The following ADRA1B variants were observed in gnomAD, a reference collection of about 807,000 sequenced individuals.
The protein encoded by ADRA1B is alpha-1B adrenergic receptor.
Under a neutral mutation model 17.9 loss-of-function variants are expected in ADRA1B, and 17 were observed. The observed-to-expected ratio is 0.95, with a 90% CI of 0.65 to 1.42. The LOEUF (loss-of-function observed/expected upper bound fraction) is 1.42, where lower values mean the gene tolerates loss of function less well. Ranked by LOEUF, ADRA1B falls within the 40% of genes most tolerant of loss-of-function variation. The pLI is 0.00. For synonymous variants in ADRA1B, 366 were observed against 327.6 expected (o/e 1.12, Z -1.27); for missense variants, 681 against 722.1 (o/e 0.94, Z 0.65).
At chr5:159,886,153 A>G (rs1753920863) in intron 1 of ADRA1B, among the ~76,000 whole-genome samples, 1 of 152,224 alleles carries the variant, frequency 6.6e-6, no homozygotes, top group African/African-American at 2.4e-5. Flanking sequence ...ATGATTTTGG[A>G]GAGCAGGAGC....
Position 159,916,946 on chromosome 5 carries a change from C to G in ADRA1B, c.41C>G (p.Pro14Arg). The change falls in exon 1 of 2, where the codon CCT becomes CGT. Residue 14 changes from proline to arginine, a missense_variant. This residue lies in a region of ADRA1B where 424 missense variants were observed against 480.2 expected (regional missense o/e 0.88). Transcript: ENST00000306675. ...DLDTGHNTSA[P>R]AHWGELKNAN... ...GACACCGGCCACAACACATCAGCAC[C>G]TGCCCACTGGGGAGAGTTGAAAAAT... The G allele has an allele frequency of 1.2e-6, 2 of 1,614,016 alleles. No homozygotes were observed. Among genetic ancestry groups the G allele is most frequent in the South Asian group, 2.2e-5 (2 of 91,064 alleles).
rs1339853355 is a variant in ADRA1B, at chr5:159,917,630, T to C, written c.725T>C (p.Met242Thr). The C allele has an allele frequency of 6.8e-6, 11 of 1,612,972 alleles. No individual in the cohort carries two copies. The highest frequency in any genetic ancestry group is 2.5e-6 in the Non-Finnish European group (3 of 1,179,818). The change falls in exon 1 of 2, where the codon ATG becomes ACG. Residue 242 changes from methionine (M) to threonine (T), a missense_variant. Coordinates refer to ENST00000306675, the MANE Select transcript of ADRA1B (RefSeq NM_000679.4). ...RTTKNLEAGV[M>T]KEMSNSKELT... Reference sequence around the variant, plus strand: ...ACCAAGAACCTAGAGGCAGGAGTCATGAAGGAGATGTCCAACTCCAAGGAG... The same window carrying C: ...ACCAAGAACCTAGAGGCAGGAGTCACGAAGGAGATGTCCAACTCCAAGGAG...
chr5:159,939,712 A>G (rs1755073284), intron 1 of ADRA1B, among the ~76,000 whole-genome samples: 1 of 152,128 alleles, frequency 6.6e-6, no homozygotes, highest in South Asian at 2.1e-4. Context: ...GCAGGCAATC[A>G]CACGTGGCCC....
In ADRA1B at chr5:159,900,047, A is replaced by C. The variant is rs1039466309; in HGVS notation, c.-255-16072A>C. On this transcript the variant is annotated intron_variant, in intron 1 of 2. Coordinates refer to the ADRA1B transcript ENST00000641205. ...TGCCTTTATCAACACAGTAATTCTCATACGTGCTGAATCTAGTTTAAATAG... is the reference window on the plus strand; with the variant it reads ...TGCCTTTATCAACACAGTAATTCTCCTACGTGCTGAATCTAGTTTAAATAG... 3.3e-5 allele frequency among the ~76,000 whole-genome samples: 5 copies of C among 152,222 alleles called. No homozygotes were observed. The East Asian group carries it at 9.6e-4, about 29-fold the overall frequency.
chr5:159,942,086 C>A (rs1470200903), intron 1 of ADRA1B, among the ~76,000 whole-genome samples: 1 of 151,988 alleles, frequency 6.6e-6, no homozygotes, highest in Non-Finnish European at 1.5e-5. Context: ...CCACGCCCAG[C>A]TAATTTTTTG....
chr5:159,961,752 A>G (rs145394663), intron 1 of ADRA1B, among the ~76,000 whole-genome samples: 2,775 of 152,324 alleles, frequency 0.018, 61 homozygotes, highest in Non-Finnish European at 0.022. Flanking sequence ...CTGTGAAATA[A>G]ATCAAATCAA....
chr5:159,908,801 T>C (rs1202916756), intron 1 of ADRA1B, among the ~76,000 whole-genome samples: 1 of 152,172 alleles, frequency 6.6e-6, no homozygotes, highest in East Asian at 1.9e-4. Context: ...TTAATTCAAA[T>C]GGGGCCAAAG....
At chr5:159,875,987 G>A (rs994387129) in intron 1 of ADRA1B, among the ~76,000 whole-genome samples, 1 of 152,108 alleles carries the variant, frequency 6.6e-6, no homozygotes, top group Non-Finnish European at 1.5e-5. Flanking sequence ...TCAGGAGTTC[G>A]TGACCAGCCT....
intron 1 of ADRA1B, among the ~76,000 whole-genome samples, chr5:159,908,159 C>T (rs1294654976): frequency 6.6e-6 from 1 of 152,160 alleles, no homozygotes; most frequent in Non-Finnish European, 1.5e-5. Context: ...ACCATGGAGA[C>T]AGGCACATAT....
chr5:159,902,861 G>A (rs1314478821), intron 1 of ADRA1B, among the ~76,000 whole-genome samples: 1 of 152,192 alleles, frequency 6.6e-6, no homozygotes, highest in Non-Finnish European at 1.5e-5. Flanking sequence ...CTGGTGGGAG[G>A]TGAGAATGTG....
intron 1 of ADRA1B, among the ~76,000 whole-genome samples, chr5:159,967,561 A>G (rs1755797512): frequency 6.6e-6 from 1 of 152,214 alleles, no homozygotes; most frequent in Non-Finnish European, 1.5e-5. Context: ...CCCATTTTAC[A>G]GATGGGAAAA....
chr5:159,964,467 G>A (rs1755736419), intron 1 of ADRA1B, among the ~76,000 whole-genome samples: 1 of 152,180 alleles, frequency 6.6e-6, no homozygotes, highest in African/African-American at 2.4e-5. Flanking sequence ...TTAAAATAGT[G>A]ATAGAAAGCT....
At chr5:159,918,175 G>A (rs1487014456) in intron 1 of ADRA1B, among the ~76,000 whole-genome samples, 3 of 152,162 alleles carry the variant, frequency 2.0e-5, no homozygotes, top group South Asian at 4.1e-4. Context: ...ATATCACACC[G>A]GCGTTATTTC....
chr5:159,889,306 A>G (rs919649356), intron 1 of ADRA1B, among the ~76,000 whole-genome samples: 1 of 152,152 alleles, frequency 6.6e-6, no homozygotes, highest in Non-Finnish European at 1.5e-5. Flanking sequence ...TAGTTCTCCA[A>G]TTCAAGGTCT....
At chr5:159,884,012 G>C (rs978096689) in intron 1 of ADRA1B, among the ~76,000 whole-genome samples, 2 of 152,212 alleles carry the variant, frequency 1.3e-5, no homozygotes, top group Non-Finnish European at 2.9e-5. Context: ...GGTTGCCAGT[G>C]GTTGAATGAG....
intron 1 of ADRA1B, among the ~76,000 whole-genome samples, chr5:159,921,304 CT>C (rs1456257426): frequency 6.6e-6 from 1 of 152,184 alleles, no homozygotes; most frequent in Non-Finnish European, 1.5e-5. Context: ...ACAAGGACCT[CT>C]TTATTTGGCC....
In ADRA1B at chr5:159,943,015, C is replaced by A. The variant is rs540198355; in HGVS notation, c.949+25161C>A. 2.0e-5 allele frequency among the ~76,000 whole-genome samples: 3 copies of A among 152,072 alleles called. No homozygotes were observed. The East Asian group carries it at 5.8e-4, about 29-fold the overall frequency. On this transcript the variant is annotated intron_variant, in intron 1 of 1. Transcript: ENST00000306675. ...TCACCTGAGGTCAGGAGTTCGAGAC[C>A]AGTCTGGCCAACATGGTGAAACCCC...
intron 1 of ADRA1B, chr5:159,929,240 C>T (rs907997951): frequency 6.6e-6 from 1 of 152,090 alleles, no homozygotes; most frequent in African/African-American, 2.4e-5. Flanking sequence ...CAAGATCTAG[C>T]AGCAAGTCAA....
chr5:159,913,234 G>A (rs1488859525), upstream of ADRA1B, among the ~76,000 whole-genome samples: 2 of 152,184 alleles, frequency 1.3e-5, no homozygotes, highest in African/African-American at 4.8e-5. Flanking sequence ...AGAGCTCTGT[G>A]CTTGACTTTG....
Sources: gnomAD v4.1 joint callset for allele counts (sites outside exome capture counted in the v4.1 genomes callset) on GRCh38, gnomAD v4.1.1 for gene constraint, gnomAD v4.1.1 regional missense constraint, MANE v1.5 for transcripts, NCBI Gene and HGNC (gene_info 2026-07-23, HGNC 2026-07-21) for gene names.